The following MTCL3 variants were observed in gnomAD, a reference collection of about 807,000 sequenced individuals.
The protein encoded by MTCL3 is MTCL family member 3, also known as microtubule cross-linking factor 3.
chr6:127,500,395 C>CT, the MTCL3 span, among the ~76,000 whole-genome samples: 1 of 152,102 alleles, frequency 6.6e-6, no homozygotes, highest in East Asian at 1.9e-4. Context: ...TATTTATAAG[C>CT]TTTTTCCTGA....
chr6:127,473,952 C>T, the MTCL3 span, among the ~76,000 whole-genome samples: 1 of 152,158 alleles, frequency 6.6e-6, no homozygotes. Flanking sequence ...GCAGCTCAGT[C>T]CAATTCATCC....
At chr6:127,498,207 T>C in the MTCL3 span, among the ~76,000 whole-genome samples, 1 of 152,194 alleles carries the variant, frequency 6.6e-6, no homozygotes, top group Non-Finnish European at 1.5e-5. Flanking sequence ...AAAAGACTTA[T>C]ATCCAAAATA....
the MTCL3 span, among the ~76,000 whole-genome samples, chr6:127,496,644 T>C: frequency 6.6e-6 from 1 of 152,210 alleles, no homozygotes; most frequent in Non-Finnish European, 1.5e-5. Context: ...GCATTGTTCA[T>C]AATAACCAAA....
the MTCL3 span, among the ~76,000 whole-genome samples, chr6:127,509,730 A>G: frequency 9.1e-4 from 138 of 152,340 alleles, no homozygotes; most frequent in East Asian, 0.022. Context: ...TTTACAACCA[A>G]TGAAGCAGAT....
At chr6:127,501,839 G>A in the MTCL3 span, among the ~76,000 whole-genome samples, 1 of 152,094 alleles carries the variant, frequency 6.6e-6, no homozygotes, top group East Asian at 1.9e-4. Context: ...TGTAAAAAAT[G>A]GAATTAGGAC....
chr6:127,482,886 A>G, the MTCL3 span: 1 of 1,550,022 alleles, frequency 6.5e-7, no homozygotes, highest in African/African-American at 1.4e-5. This position sits in a 1 kb window ranked among gnomAD's most constrained non-coding sequence, Gnocchi z 4.1. Flanking sequence ...TACTTGGTGT[A>G]CTAGTTGAAA....
chr6:127,491,580 C>T, the MTCL3 span, among the ~76,000 whole-genome samples: 1 of 152,196 alleles, frequency 6.6e-6, no homozygotes, highest in Admixed American at 6.5e-5. Context: ...ACTGGGAAAC[C>T]AAACAATAGT....
chr6:127,516,527 C>T, the MTCL3 span: 4 of 1,598,702 alleles, frequency 2.5e-6, no homozygotes, highest in South Asian at 1.1e-5. Context: ...CTGCTGCCCT[C>T]CGGGTGCAGA....
At chr6:127,513,774 T>C in the MTCL3 span, among the ~76,000 whole-genome samples, 1 of 152,142 alleles carries the variant, frequency 6.6e-6, no homozygotes, top group Non-Finnish European at 1.5e-5. Flanking sequence ...TTTCCAGGCC[T>C]GGGCACTTAA....
chr6:127,498,421 A>C, the MTCL3 span, among the ~76,000 whole-genome samples: 5 of 152,206 alleles, frequency 3.3e-5, no homozygotes, highest in African/African-American at 9.6e-5. Flanking sequence ...AATAAAAAAG[A>C]TATACAATCA....
At chr6:127,516,642 G>C in the MTCL3 span, 5 of 1,586,288 alleles carry the variant, frequency 3.2e-6, no homozygotes, top group African/African-American at 5.3e-5. Flanking sequence ...ATGCGATTTG[G>C]AAGAGCCCAT....
the MTCL3 span, among the ~76,000 whole-genome samples, chr6:127,491,068 A>G: frequency 0.67 from 101,839 of 152,154 alleles, 34,424 homozygotes; most frequent in African/African-American, 0.75. Flanking sequence ...TGTTTCTTAT[A>G]GATGAGCAAA....
the MTCL3 span, among the ~76,000 whole-genome samples, chr6:127,484,112 G>C: frequency 2.0e-5 from 3 of 152,184 alleles, no homozygotes; most frequent in African/African-American, 7.2e-5. Context: ...AGAAGGACAG[G>C]GGTATAGACT....
At chr6:127,492,757 C>T in the MTCL3 span, among the ~76,000 whole-genome samples, 1 of 152,148 alleles carries the variant, frequency 6.6e-6, no homozygotes, top group Admixed American at 6.6e-5. Flanking sequence ...CTCATGACCT[C>T]GTGATCCACT....
At chr6:127,492,112 C>T in the MTCL3 span, among the ~76,000 whole-genome samples, 1 of 152,112 alleles carries the variant, frequency 6.6e-6, no homozygotes, top group Non-Finnish European at 1.5e-5. Flanking sequence ...CCAGATGCTC[C>T]TATTGCCCTA....
the MTCL3 span, among the ~76,000 whole-genome samples, chr6:127,487,514 G>A: frequency 6.6e-6 from 1 of 152,170 alleles, no homozygotes. Flanking sequence ...TCTCCAACTT[G>A]TCTTGGAAGG....
At chr6:127,499,770 G>A in the MTCL3 span, among the ~76,000 whole-genome samples, 22 of 152,258 alleles carry the variant, frequency 1.4e-4, no homozygotes, top group African/African-American at 4.6e-4. Flanking sequence ...TCTCCCCATC[G>A]GTTGACTCCT....
At chr6:127,511,646 A>G in the MTCL3 span, among the ~76,000 whole-genome samples, 2 of 152,220 alleles carry the variant, frequency 1.3e-5, no homozygotes, top group Admixed American at 1.3e-4. Context: ...CCCAGTCTCC[A>G]TATTTTTCTA....
the MTCL3 span, chr6:127,515,395 C>T: frequency 1.0e-6 from 1 of 999,128 alleles, no homozygotes; most frequent in Non-Finnish European, 1.4e-6. The surrounding 1 kb of genome is among the most constrained non-coding windows in gnomAD (Gnocchi z 4.3). Flanking sequence ...CTTTCTTGTT[C>T]TCCTCCCTCT....
Sources: gnomAD v4.1 joint callset for allele counts (sites outside exome capture counted in the v4.1 genomes callset) on GRCh38, gnomAD v4.1.1 for gene constraint, Gnocchi (gnomAD v3.1) non-coding constraint, MANE v1.5 for transcripts, NCBI Gene and HGNC (gene_info 2026-07-23, HGNC 2026-07-21) for gene names.